The following DNAJC12 variants were observed in gnomAD, a reference collection of about 807,000 sequenced individuals.
DNAJC12 encodes the protein dnaJ homolog subfamily C member 12.
DNAJC12 carries 25 observed loss-of-function variants against 28.5 expected under a neutral mutation model. The ratio of observed to expected loss-of-function variants is 0.88; its 90% confidence interval spans 0.64 to 1.22. The LOEUF is 1.22. Ranked by LOEUF, DNAJC12 falls within the 50% of genes most tolerant of loss-of-function variation. DNAJC12 has a pLI of 0.00. For missense variants in DNAJC12, 222 were observed against 231.7 expected, an observed-to-expected ratio of 0.96 and a Z score of 0.27; for synonymous variants, 77 against 80.6, an observed-to-expected ratio of 0.95 and a Z score of 0.24.
intron 1 of DNAJC12, among the ~76,000 whole-genome samples, chr10:67,832,108 A>G (rs1842099539): frequency 6.6e-6 from 1 of 152,088 alleles, no homozygotes; most frequent in African/African-American, 2.4e-5. Context: ...TCTACTAAAT[A>G]CAAAAAATTA....
At chr10:67,826,645 TCTAATG>T in intron 1 of DNAJC12, among the ~76,000 whole-genome samples, 1 of 132,196 alleles carries the variant, frequency 7.6e-6, no homozygotes, top group African/African-American at 2.8e-5. Flanking sequence ...ATATAAGATA[TCTAATG>T]ATATATATTA....
intron 2 of DNAJC12, among the ~76,000 whole-genome samples, chr10:67,818,005 C>T (rs1479029670): frequency 6.6e-6 from 1 of 152,156 alleles, no homozygotes; most frequent in African/African-American, 2.4e-5. Flanking sequence ...GAGTTTGAGA[C>T]CAGCCTGGGC....
At chr10:67,811,118 T>C in intron 3 of DNAJC12, 1 of 212,240 alleles carries the variant, frequency 4.7e-6, no homozygotes, top group East Asian at 1.7e-4. Context: ...CCTGCCTTTT[T>C]AATGAAAATT....
At chr10:67,834,071 G>A (rs1307916589) in intron 1 of DNAJC12, 4 of 458,458 alleles carry the variant, frequency 8.7e-6, no homozygotes, top group Non-Finnish European at 1.8e-5. Flanking sequence ...TTACTAGAAG[G>A]TCAAGCTAAA....
intron 1 of DNAJC12, 146 bp downstream of exon 1, chr10:67,837,788 C>G: frequency 1.8e-6 from 1 of 564,182 alleles, no homozygotes; most frequent in East Asian, 3.1e-5. Flanking sequence ...TTAACTTTCT[C>G]TGAGCCAAAA....
At chr10:67,819,244 A>G (rs1309929241) in intron 2 of DNAJC12, among the ~76,000 whole-genome samples, 1 of 151,972 alleles carries the variant, frequency 6.6e-6, no homozygotes, top group Non-Finnish European at 1.5e-5. Flanking sequence ...GAGGCAGGAG[A>G]ATGGCGTAAA....
chr10:67,820,386 T>C (rs1361501858), intron 2 of DNAJC12, among the ~76,000 whole-genome samples: 1 of 152,170 alleles, frequency 6.6e-6, no homozygotes, highest in Non-Finnish European at 1.5e-5. Flanking sequence ...TACTGTGTGA[T>C]TCTATTTATA....
intron 1 of DNAJC12, among the ~76,000 whole-genome samples, chr10:67,828,128 C>T (rs1842055169): frequency 6.6e-6 from 1 of 152,132 alleles, no homozygotes; most frequent in Non-Finnish European, 1.5e-5. Context: ...CAACTCTACT[C>T]ATAATCAAAT....
chr10:67,821,810 A>G (rs1841984307), intron 2 of DNAJC12, among the ~76,000 whole-genome samples: 1 of 152,174 alleles, frequency 6.6e-6, no homozygotes, highest in African/African-American at 2.4e-5. Context: ...GTAGAGAGAG[A>G]TGAGAAAGGT....
chr10:67,823,484 C>A, intron 1 of DNAJC12, 92 bp from the exon 2 acceptor site: 1 of 1,019,136 alleles, frequency 9.8e-7, no homozygotes, highest in Non-Finnish European at 1.5e-6. Context: ...CTGAGGCAAG[C>A]GGATCACCAG....
intron 1 of DNAJC12, among the ~76,000 whole-genome samples, chr10:67,825,821 G>T (rs984083744): frequency 7.9e-5 from 12 of 152,146 alleles, no homozygotes; most frequent in Admixed American, 3.9e-4. Flanking sequence ...AGGAAAAGAT[G>T]ACTTCCTGTT....
At chr10:67,820,426 G>A (rs866844981) in intron 2 of DNAJC12, among the ~76,000 whole-genome samples, 12 of 152,162 alleles carry the variant, frequency 7.9e-5, no homozygotes, top group Admixed American at 5.2e-4. Flanking sequence ...ACTAGTCAAT[G>A]GTGATAGAGA....
chr10:67,823,267 T>C (rs1841997723), intron 2 of DNAJC12, 47 bp downstream of exon 2: 1 of 1,508,974 alleles, frequency 6.6e-7, no homozygotes, highest in African/African-American at 1.4e-5. Context: ...CTTTTGGTTC[T>C]ATATACTACT....
intron 1 of DNAJC12, among the ~76,000 whole-genome samples, chr10:67,832,070 G>C (rs768196926): frequency 2.6e-5 from 4 of 151,980 alleles, no homozygotes; most frequent in Admixed American, 2.6e-4. Flanking sequence ...GTCTGAGACC[G>C]GCCTGACCAA....
intron 2 of DNAJC12, among the ~76,000 whole-genome samples, chr10:67,815,721 G>A (rs971172798): frequency 1.3e-5 from 2 of 152,028 alleles, no homozygotes; most frequent in Non-Finnish European, 1.5e-5. Context: ...TACCACCAAG[G>A]ATGCACATGC....
intron 2 of DNAJC12, among the ~76,000 whole-genome samples, chr10:67,813,516 G>T (rs193079121): frequency 6.6e-6 from 1 of 151,766 alleles, no homozygotes; most frequent in African/African-American, 2.4e-5. Context: ...TTGGGAGTCC[G>T]AAGTGGGCGG....
chr10:67,819,656 GAAAGAGAAAGAAAGAA>G (rs1841952103), intron 2 of DNAJC12, among the ~76,000 whole-genome samples: 1 of 123,584 alleles, frequency 8.1e-6, no homozygotes, highest in Non-Finnish European at 1.7e-5. Flanking sequence ...AAGAAAGAAA[GAAAGAGAAAGAAAGAA>G]AGAAAGAAAG....
intron 1 of DNAJC12, chr10:67,825,697 T>C (rs1019614377): frequency 8.1e-3 from 17 of 2,090 alleles, no homozygotes; most frequent in African/African-American, 8.6e-3. Flanking sequence ...TCATAAGGAA[T>C]GTCTTCACTT....
chr10:67,806,051 G>C (rs1841797413), intron 3 of DNAJC12, among the ~76,000 whole-genome samples: 1 of 151,948 alleles, frequency 6.6e-6, no homozygotes, highest in African/African-American at 2.4e-5. Flanking sequence ...CTAAAAATTG[G>C]ACAGATGGAT....
Sources: allele counts gnomAD v4.1 joint callset (sites outside exome capture counted in the v4.1 genomes callset), GRCh38; gene constraint gnomAD v4.1.1; transcripts MANE v1.5; gene names NCBI Gene and HGNC (gene_info 2026-07-23, HGNC 2026-07-21).